ACKR3: variants seen among roughly 807,000 people sequenced by gnomAD.
The protein encoded by ACKR3 is C-X-C chemokine receptor type 7.
In ACKR3, 6 loss-of-function variants were observed where a neutral mutation model predicts 22.4. That is an observed-to-expected ratio of 0.27 (90% CI 0.15 to 0.53). ACKR3 has a LOEUF of 0.53. Among genes scored for constraint, ACKR3 ranks in the 20% least tolerant of loss-of-function variants. The probability of loss-of-function intolerance (pLI) is 0.96; values close to 1 mark genes in which losing one functional copy is unlikely to be tolerated. For missense variants in ACKR3, 396 were observed against 475.2 expected (o/e 0.83, Z 1.55); for synonymous variants, 209 against 205.2 (o/e 1.02, Z -0.16).
the ACKR3 span, among the ~76,000 whole-genome samples, chr2:236,559,502 T>C: frequency 6.6e-6 from 1 of 152,242 alleles, no homozygotes; most frequent in South Asian, 2.1e-4. Context: ...CTGTGGTTTT[T>C]TGTATAGCTC....
rs559124827 is a variant in ACKR3 at position 236,577,144 on chromosome 2, C to G, written c.-26-3296C>G. ...TGGTTAATGATTGAGGATCGGTGAT[C>G]GGTGAGTGATGATAGGTGGCCGGTG... On this transcript the variant is annotated intron_variant, in intron 1 of 1. Coordinates refer to ENST00000272928, the MANE Select transcript of ACKR3 (RefSeq NM_020311.3). This position sits in a 1 kb window ranked among gnomAD's most constrained non-coding sequence, Gnocchi z 5.6. 1.3e-5 allele frequency among the ~76,000 whole-genome samples: 2 copies of G among 152,148 alleles called. No individual in the cohort carries two copies. Among genetic ancestry groups the G allele is most frequent in the Non-Finnish European group, 2.9e-5 (2 of 67,990 alleles).
At chr2:236,563,473 G>C (rs1196474384), upstream of ACKR3, among the ~76,000 whole-genome samples, 1 of 152,206 alleles carries the variant, frequency 6.6e-6, no homozygotes, top group Non-Finnish European at 1.5e-5. Context: ...TAACTAGGAT[G>C]GGAAGATTCT....
chr2:236,560,298 C>T, the ACKR3 span, among the ~76,000 whole-genome samples: 1 of 147,360 alleles, frequency 6.8e-6, no homozygotes, highest in African/African-American at 2.5e-5. Context: ...TCTCCACGTC[C>T]TCACCAGCAC....
chr2:236,570,126 CT>C (rs1194485233), intron 1 of ACKR3, among the ~76,000 whole-genome samples: 3 of 152,226 alleles, frequency 2.0e-5, no homozygotes, highest in African/African-American at 7.2e-5. Flanking sequence ...CTTCACCTTT[CT>C]CTTCAGAAAG....
chr2:236,573,346 T>C (rs956145102), intron 1 of ACKR3, among the ~76,000 whole-genome samples: 2 of 152,266 alleles, frequency 1.3e-5, no homozygotes, highest in Middle Eastern at 3.4e-3. Context: ...GCGTTTGCTT[T>C]TGTAGCATGA....
Position 236,580,476 on chromosome 2 carries a change from A to G in ACKR3, c.11A>G (p.His4Arg). The change falls in exon 2 of 2, where the codon CAT becomes CGT. Residue 4 changes from histidine (H) to arginine (R), a missense_variant. Coordinates refer to ENST00000272928, the MANE Select transcript of ACKR3 (RefSeq NM_020311.3). MDL[H>R]LFDYSEPGNF... ...GCCCGCCTCAGAACGATGGATCTGC[A>G]TCTCTTCGACTACTCAGAGCCAGGG... 3 of 1,610,808 alleles carry G rather than the reference A, an allele frequency of 1.9e-6. No individual in the cohort carries two copies. Among genetic ancestry groups the G allele is most frequent in the South Asian group, 1.1e-5 (1 of 91,022 alleles).
chr2:236,566,718 C>CCCTTCCTTCCCTCCTTCCTTCCTTCCTT (rs1691187701), upstream of ACKR3, among the ~76,000 whole-genome samples: 4 of 114,568 alleles, frequency 3.5e-5, no homozygotes, highest in East Asian at 1.1e-3. Flanking sequence ...TCCTTTCCTT[C>CCCTTCCTTCCCTCCTTCCTTCCTTCCTT]CCTTCCTTCC....
At chr2:236,547,091 A>G in the ACKR3 span, among the ~76,000 whole-genome samples, 1 of 152,180 alleles carries the variant, frequency 6.6e-6, no homozygotes, top group Non-Finnish European at 1.5e-5. Context: ...GGCATCCATC[A>G]CCCCTGTCCA....
the ACKR3 span, among the ~76,000 whole-genome samples, chr2:236,561,553 G>T: frequency 5.3e-5 from 8 of 152,058 alleles, no homozygotes; most frequent in South Asian, 2.1e-4. Flanking sequence ...TGTTGCCCGG[G>T]CTGGAGTGCA....
chr2:236,554,248 C>T, the ACKR3 span, among the ~76,000 whole-genome samples: 142 of 152,288 alleles, frequency 9.3e-4, 2 homozygotes, highest in African/African-American at 3.3e-3. Context: ...TGGAGCATCA[C>T]TAAGGATCCA....
Position 236,581,185 on chromosome 2 carries a change from G to A in ACKR3, c.720G>A (p.Ser240=), listed in dbSNP as rs542782324. 6.2e-6 allele frequency: 10 copies of A among 1,613,474 alleles called. No individual in the cohort carries two copies. Among genetic ancestry groups the A allele is most frequent in the Middle Eastern group, 1.6e-4 (1 of 6,076 alleles). ...VFYFLLARAI[S]ASSDQEKHSS... Reference sequence around the variant, plus strand: ...ACTTCCTGCTGGCCAGAGCCATCTCGGCGTCCAGTGACCAGGAGAAGCACA... The same window carrying A: ...ACTTCCTGCTGGCCAGAGCCATCTCAGCGTCCAGTGACCAGGAGAAGCACA... The change falls in exon 2 of 2, where the codon TCG becomes TCA. Residue 240 remains serine, a synonymous_variant. Transcript: ENST00000272928. This position sits in a 1 kb window ranked among gnomAD's most constrained non-coding sequence, Gnocchi z 4.4.
At chr2:236,580,090 G>A (rs533528122) in intron 1 of ACKR3, among the ~76,000 whole-genome samples, 1 of 152,248 alleles carries the variant, frequency 6.6e-6, no homozygotes, top group African/African-American at 2.4e-5. Flanking sequence ...CGGTGGCCGG[G>A]GCTCAGCTGC....
upstream of ACKR3, among the ~76,000 whole-genome samples, chr2:236,568,694 C>T (rs559717749): frequency 5.2e-4 from 79 of 152,376 alleles, no homozygotes; most frequent in Middle Eastern, 3.4e-3. Context: ...AGGGCTTTCT[C>T]CACACGGAGA....
intron 1 of ACKR3, among the ~76,000 whole-genome samples, chr2:236,578,247 T>C (rs1691453844): frequency 6.6e-6 from 1 of 152,186 alleles, no homozygotes; most frequent in Non-Finnish European, 1.5e-5. Flanking sequence ...TGTCCTCAGC[T>C]CCCTGCTGGG....
chr2:236,567,175 T>C (rs1455204489), upstream of ACKR3, among the ~76,000 whole-genome samples: 1 of 152,126 alleles, frequency 6.6e-6, no homozygotes, highest in Non-Finnish European at 1.5e-5. Flanking sequence ...ATTTTTTGTA[T>C]TTTTTAGTAG....
the ACKR3 span, among the ~76,000 whole-genome samples, chr2:236,557,532 C>A: frequency 6.6e-6 from 1 of 152,114 alleles, no homozygotes; most frequent in African/African-American, 2.4e-5. Context: ...TAGAGGCTAG[C>A]CCCCACTGGC....
At chr2:236,578,633 G>A (rs994620900) in intron 1 of ACKR3, among the ~76,000 whole-genome samples, 8 of 152,214 alleles carry the variant, frequency 5.3e-5, no homozygotes, top group Non-Finnish European at 7.3e-5. Flanking sequence ...CCAGAAGCCC[G>A]CAACAGTCTC....
chr2:236,556,174 G>A, the ACKR3 span, among the ~76,000 whole-genome samples: 1 of 152,172 alleles, frequency 6.6e-6, no homozygotes, highest in Non-Finnish European at 1.5e-5. Context: ...GTCCCAGACA[G>A]GGTGAGGAGG....
the ACKR3 span, among the ~76,000 whole-genome samples, chr2:236,562,265 C>T: frequency 6.6e-5 from 10 of 152,300 alleles, no homozygotes; most frequent in Non-Finnish European, 1.5e-4. Context: ...ATACTATTTT[C>T]AAATGTTAAA....
Sources: gnomAD v4.1 joint callset for allele counts (sites outside exome capture counted in the v4.1 genomes callset) on GRCh38, gnomAD v4.1.1 for gene constraint, Gnocchi (gnomAD v3.1) non-coding constraint, MANE v1.5 for transcripts, NCBI Gene and HGNC (gene_info 2026-07-23, HGNC 2026-07-21) for gene names.